COLEC12: variants seen among roughly 807,000 people sequenced by gnomAD.
COLEC12 encodes the protein collectin-12.
In COLEC12, 33 loss-of-function variants were observed where a neutral mutation model predicts 71.1. The observed-to-expected ratio is 0.46, with a 90% CI of 0.35 to 0.62. The LOEUF (loss-of-function observed/expected upper bound fraction) is 0.62. Ranked by LOEUF, COLEC12 falls within the 20% of genes least tolerant of loss-of-function variation. The pLI is 0.00. For missense variants in COLEC12, 765 were observed against 916.1 expected (o/e 0.84, Z 2.13); for synonymous variants, 350 against 353.0 (o/e 0.99, Z 0.10).
intron 2 of COLEC12, among the ~76,000 whole-genome samples, chr18:422,767 T>A (rs1916123374): frequency 6.6e-6 from 1 of 151,922 alleles, no homozygotes; most frequent in African/African-American, 2.4e-5. Context: ...ATGGGGCGAG[T>A]CCGGTTATTT....
At chr18:496,324 C>G (rs1391970594) in intron 1 of COLEC12, among the ~76,000 whole-genome samples, 1 of 152,150 alleles carries the variant, frequency 6.6e-6, no homozygotes, top group East Asian at 1.9e-4. Flanking sequence ...TAGGAGACCA[C>G]AGAGAAGATG....
intron 2 of COLEC12, among the ~76,000 whole-genome samples, chr18:440,359 C>T (rs1313456825): frequency 1.1e-5 from 1 of 92,978 alleles, no homozygotes; most frequent in East Asian, 2.4e-4. Flanking sequence ...GAAATGTTCT[C>T]AACACACACA....
At chr18:416,347 G>A (rs1451960872) in intron 2 of COLEC12, among the ~76,000 whole-genome samples, 1 of 152,130 alleles carries the variant, frequency 6.6e-6, no homozygotes, top group Non-Finnish European at 1.5e-5. Context: ...ACAGAACTGG[G>A]GATTATGAGA....
chr18:381,232 C>T (rs1357068385), intron 2 of COLEC12, among the ~76,000 whole-genome samples: 1 of 152,132 alleles, frequency 6.6e-6, no homozygotes, highest in Non-Finnish European at 1.5e-5. Context: ...CATACTTCTG[C>T]TCTAAAACCC....
intron 2 of COLEC12, among the ~76,000 whole-genome samples, chr18:451,463 T>G (rs1033589914): frequency 6.6e-6 from 1 of 152,162 alleles, no homozygotes; most frequent in African/African-American, 2.4e-5. Context: ...AGAAATGATC[T>G]GAGGCCAGGC....
intron 5 of COLEC12, among the ~76,000 whole-genome samples, chr18:335,616 C>T: frequency 6.6e-6 from 1 of 152,154 alleles, no homozygotes; most frequent in East Asian, 1.9e-4. Flanking sequence ...AAGATGGACT[C>T]CTGCAAACCA....
At chr18:481,902 C>T (rs541341310) in intron 1 of COLEC12, among the ~76,000 whole-genome samples, 18 of 152,108 alleles carry the variant, frequency 1.2e-4, no homozygotes, top group Non-Finnish European at 2.1e-4. Context: ...AACTAAAGGA[C>T]ACTTTTTTTT....
chr18:392,941 T>TAGA (rs1168352928), intron 2 of COLEC12, among the ~76,000 whole-genome samples: 3 of 152,246 alleles, frequency 2.0e-5, no homozygotes, highest in Admixed American at 6.5e-5. Flanking sequence ...CACCAATGAA[T>TAGA]AGAAGCTCAA....
At chr18:470,920 A>G (rs1917183547) in intron 2 of COLEC12, among the ~76,000 whole-genome samples, 1 of 152,254 alleles carries the variant, frequency 6.6e-6, no homozygotes, top group Non-Finnish European at 1.5e-5. Flanking sequence ...CAGAATGAGA[A>G]CGACATGTTA....
intron 2 of COLEC12, among the ~76,000 whole-genome samples, chr18:419,822 G>A (rs1407644292): frequency 6.6e-6 from 1 of 152,152 alleles, no homozygotes; most frequent in Non-Finnish European, 1.5e-5. Context: ...GTGGGTTGGT[G>A]GGGGTGATCT....
intron 2 of COLEC12, among the ~76,000 whole-genome samples, chr18:431,951 A>G (rs1318378053): frequency 6.6e-6 from 1 of 152,200 alleles, no homozygotes; most frequent in East Asian, 1.9e-4. Context: ...CATATTATCT[A>G]GAGAGGTTAA....
chr18:361,421 A>C (rs1914740742), intron 2 of COLEC12, among the ~76,000 whole-genome samples: 1 of 152,144 alleles, frequency 6.6e-6, no homozygotes, highest in Admixed American at 6.6e-5. Flanking sequence ...TTCCTCTTCC[A>C]TTCCCACTGG....
intron 2 of COLEC12, among the ~76,000 whole-genome samples, chr18:368,976 C>T (rs560839979): frequency 6.6e-6 from 1 of 152,260 alleles, no homozygotes; most frequent in African/African-American, 2.4e-5. Context: ...TGACTGGTGA[C>T]CCCCAATTGT....
intron 2 of COLEC12, among the ~76,000 whole-genome samples, chr18:473,777 C>CA (rs1292507713): frequency 2.0e-5 from 3 of 152,204 alleles, no homozygotes; most frequent in Non-Finnish European, 4.4e-5. Flanking sequence ...ACACTGGAAA[C>CA]AACCTAAATG....
chr18:418,126 T>G (rs1916025625), intron 2 of COLEC12, among the ~76,000 whole-genome samples: 2 of 152,214 alleles, frequency 1.3e-5, no homozygotes, highest in South Asian at 4.1e-4. Flanking sequence ...TTAAGTGATT[T>G]GCTTAACCTC....
intron 2 of COLEC12, among the ~76,000 whole-genome samples, chr18:411,050 G>A (rs1176838528): frequency 2.0e-5 from 3 of 152,048 alleles, no homozygotes; most frequent in African/African-American, 7.3e-5. Context: ...CCCCTACTGC[G>A]CTATCAAAAG....
At position 480,674 on chromosome 18, in the gene COLEC12, A is replaced by G; in HGVS notation, c.58+33T>C. 6.2e-7 allele frequency: 1 copy of G among 1,600,032 alleles called. No individual in the cohort carries two copies. The highest frequency in any genetic ancestry group is 1.3e-5 in the African/African-American group (1 of 74,730). On this transcript the variant is annotated intron_variant, in intron 2 of 9. Coordinates refer to ENST00000400256, the MANE Select transcript of COLEC12 (RefSeq NM_130386.3). The surrounding 1 kb of genome is among the most constrained non-coding windows in gnomAD (Gnocchi z 4.1). ...TTCGTGGCTGCATCCCAGGTTGACCACTGAGAAGGAACACAGCTTTGTTAG... is the reference window on the plus strand; with the variant it reads ...TTCGTGGCTGCATCCCAGGTTGACCGCTGAGAAGGAACACAGCTTTGTTAG...
At chr18:352,382 A>T (rs985579003) in intron 3 of COLEC12, among the ~76,000 whole-genome samples, 1 of 152,198 alleles carries the variant, frequency 6.6e-6, no homozygotes, top group African/African-American at 2.4e-5. Flanking sequence ...AAATATGCTG[A>T]CAGTCAGTCA....
At chr18:325,742 C>A (rs900973610) in intron 8 of COLEC12, among the ~76,000 whole-genome samples, 1 of 147,842 alleles carries the variant, frequency 6.8e-6, no homozygotes, top group Non-Finnish European at 1.5e-5. Flanking sequence ...CAGCTCACTG[C>A]AGCCTCAACC....
Sources: gnomAD v4.1 joint callset for allele counts (sites outside exome capture counted in the v4.1 genomes callset) on GRCh38, gnomAD v4.1.1 for gene constraint, Gnocchi (gnomAD v3.1) non-coding constraint, MANE v1.5 for transcripts, NCBI Gene and HGNC (gene_info 2026-07-23, HGNC 2026-07-21) for gene names.